Variants in ADRM1 observed in about 807,000 individuals in gnomAD.
The protein encoded by ADRM1 is proteasomal ubiquitin receptor ADRM1.
ADRM1 carries 2 observed loss-of-function variants against 40.1 expected under a neutral mutation model. The observed-to-expected ratio is 0.05, with a 90% CI of 0.02 to 0.16. ADRM1 has a LOEUF of 0.16. Ranked by LOEUF, ADRM1 falls within the 10% of genes least tolerant of loss-of-function variation. The probability of loss-of-function intolerance (pLI) is 1.00; values close to 1 mark genes in which losing one functional copy is unlikely to be tolerated. For synonymous variants in ADRM1, 287 were observed against 240.4 expected, an observed-to-expected ratio of 1.19 and a Z score of -1.79; for missense variants, 467 against 552.5, an observed-to-expected ratio of 0.85 and a Z score of 1.55.
At chr20:62,305,894 G>C (rs558962152) in intron 3 of ADRM1, 20 of 360,270 alleles carry the variant, frequency 5.6e-5, no homozygotes, top group Middle Eastern at 1.6e-3. Context: ...GAGAGGGCTT[G>C]GTCTGGCAGC....
chr20:62,307,313 AG>A, intron 5 of ADRM1, 57 bp from the exon 6 acceptor site: 1 of 1,514,042 alleles, frequency 6.6e-7, no homozygotes, highest in Non-Finnish European at 8.9e-7. Flanking sequence ...GGGAGGGGCC[AG>A]GCTCTTTCTG....
At chr20:62,307,962 GCCTT>G in intron 7 of ADRM1, 55 bp from the exon 8 acceptor site, 1 of 1,575,074 alleles carries the variant, frequency 6.3e-7, no homozygotes, top group Non-Finnish European at 8.6e-7. Flanking sequence ...CTGCTTGCAT[GCCTT>G]CCATGTGGGC....
At chr20:62,305,882 G>C (rs973902727) in intron 3 of ADRM1, 6 of 346,142 alleles carry the variant, frequency 1.7e-5, no homozygotes, top group African/African-American at 1.0e-4. Context: ...GGGCAGGAGG[G>C]TGAGAGGGCT....
chr20:62,304,056 G>A, intron 2 of ADRM1: 1 of 527,552 alleles, frequency 1.9e-6, no homozygotes, highest in Non-Finnish European at 3.4e-6. Flanking sequence ...CGTGTGAGGT[G>A]CCTGGGGTTG....
chr20:62,307,264 C>T (rs942633397), intron 5 of ADRM1, 107 bp from the exon 6 acceptor site: 3 of 1,152,836 alleles, frequency 2.6e-6, no homozygotes, highest in Non-Finnish European at 3.6e-6. Context: ...CCCGCTTCTT[C>T]CTGGCTTTGG....
At chr20:62,308,328 C>T (rs1412740863) in intron 8 of ADRM1, 40 bp from the exon 9 acceptor site, 3 of 1,562,928 alleles carry the variant, frequency 1.9e-6, no homozygotes, top group South Asian at 1.2e-5. Flanking sequence ...TGGGGTGCAG[C>T]CCGGGTTGGA....
At chr20:62,303,419 A>G in intron 1 of ADRM1, 149 bp from the exon 2 acceptor site, 2 of 790,542 alleles carry the variant, frequency 2.5e-6, no homozygotes, top group Non-Finnish European at 4.0e-6. Flanking sequence ...GAGCGGGGCA[A>G]ACGCGGAAAG....
At chr20:62,305,054 C>T (rs541650320) in intron 3 of ADRM1, among the ~76,000 whole-genome samples, 7 of 152,336 alleles carry the variant, frequency 4.6e-5, no homozygotes, top group Admixed American at 1.3e-4. Flanking sequence ...AGCTGCAGAG[C>T]GTCTTTTGGG....
chr20:62,303,454 C>T (rs566554644), intron 1 of ADRM1, 114 bp from the exon 2 acceptor site: 7 of 1,103,888 alleles, frequency 6.3e-6, no homozygotes, highest in Admixed American at 4.6e-5. Context: ...CTGAGTCTGC[C>T]TTAGGCAGCT....
upstream of ADRM1, chr20:62,302,981 C>A (rs1362802257): frequency 6.6e-6 from 1 of 152,090 alleles, no homozygotes; most frequent in Non-Finnish European, 1.5e-5. Context: ...TCCGGCGGGG[C>A]CCGGCAGGCG....
intron 1 of ADRM1, 144 bp from the exon 2 acceptor site, chr20:62,303,424 G>C: frequency 1.2e-6 from 1 of 825,786 alleles, no homozygotes. Context: ...GGGCAAACGC[G>C]GAAAGGCAGC....
At position 62,303,032 on chromosome 20, in the gene ADRM1, A is replaced by C. The variant is rs1984328885; in HGVS notation, c.-19A>C. On this transcript the variant is annotated 5_prime_UTR_variant, in exon 1 of 10. Coordinates refer to ENST00000253003, the MANE Select transcript of ADRM1 (RefSeq NM_007002.4). ...GAGCCCGGACGGCGCCTCTCGAACGAGTGTGGGCGCGAGGCAGGTGCGGGA... is the reference window on the plus strand; with the variant it reads ...GAGCCCGGACGGCGCCTCTCGAACGCGTGTGGGCGCGAGGCAGGTGCGGGA... The C allele has an allele frequency of 6.6e-6, 1 of 150,684 alleles. No homozygotes were observed. The highest frequency in any genetic ancestry group is 6.6e-5 in the Admixed American group (1 of 15,194). 9.3% of individuals were successfully genotyped at this position (150,684 alleles called of 1,614,324 possible).
At position 62,305,985 on chromosome 20, in the gene ADRM1, A is replaced by G. The variant is rs147439838; in HGVS notation, c.331-212A>G. On this transcript the variant is annotated intron_variant, in intron 3 of 9. Transcript: ENST00000253003. Reference sequence around the variant, plus strand: ...CAGGGCACACCCGGGATTGCGGCGGATGGGGACAGGGCGCAGAGCATCGTG... The same window carrying G: ...CAGGGCACACCCGGGATTGCGGCGGGTGGGGACAGGGCGCAGAGCATCGTG... 1,896 of 589,752 alleles carry G rather than the reference A, an allele frequency of 3.2e-3. 27 individuals carry two copies. Among genetic ancestry groups the G allele is most frequent in the African/African-American group, 0.032 (1,720 of 53,778 alleles). 36.5% of individuals were successfully genotyped at this position (589,752 alleles called of 1,614,324 possible).
intron 3 of ADRM1, 23 bp downstream of exon 3, chr20:62,304,600 G>A (rs1424838537): frequency 6.2e-7 from 1 of 1,606,576 alleles, no homozygotes. Flanking sequence ...CCTTGGGGTT[G>A]TGCCTTTTTG....
chr20:62,306,390 C>T (rs918861160), intron 4 of ADRM1, 70 bp downstream of exon 4: 12 of 1,606,332 alleles, frequency 7.5e-6, no homozygotes, highest in South Asian at 3.3e-5. Context: ...GATGACTCGC[C>T]CCCTCAGCAC....
intron 3 of ADRM1, chr20:62,305,834 A>C: frequency 4.0e-6 from 1 of 248,438 alleles, no homozygotes. Context: ...CCACTGGTTG[A>C]AGGAAGGAGA....
rs1985204168 is a variant in ADRM1 at position 62,307,437 on chromosome 20, G to T, written c.608G>T (p.Ser203Ile). The change falls in exon 6 of 10, where the codon AGC becomes ATC. Residue 203 changes from serine (S) to isoleucine (I), a missense_variant. Ser to Ile is a moderately radical substitution (Grantham distance 142). Around this residue, in one of 3 missense-constraint regions of ADRM1, gnomAD observed 418 missense variants for 474.6 expected, o/e 0.88. Transcript: ENST00000253003. ...CTGGGGAGCAGTGGGCCTCCAGGGA[G>T]CAGCTCCTCCTCCAGGTGAGCCTCA... The part of the protein sequence containing the change: ...SLLGSSGPPG[S>I]SSSSSSRSQS... 8 of 1,609,364 alleles carry T rather than the reference G, an allele frequency of 5.0e-6. No individual in the cohort carries two copies. In the Admixed American group the frequency reaches 5.0e-5, roughly 10 times the overall value.
intron 4 of ADRM1, 23 bp from the exon 5 acceptor site, chr20:62,306,625 G>A (rs749425446): frequency 3.8e-6 from 6 of 1,589,360 alleles, no homozygotes; most frequent in East Asian, 2.3e-5. Context: ...GGGCAGGCCC[G>A]CCTGAGCTGC....
rs1985256639 is a variant in ADRM1 at position 62,307,588 on chromosome 20, CTT to C, written c.624-7_624-6del. ...TGTCCGCTCCAGCGGTGCCCTCTCT[CTT>C]CGCAGCTCCCGGAGCCAGTCGGCAG... On this transcript the variant is annotated splice_region_variant and splice_polypyrimidine_tract_variant and intron_variant, in intron 6 of 9. Transcript: ENST00000253003. 6.2e-7 allele frequency: 1 copy of C among 1,609,124 alleles called. No individual in the cohort carries two copies. Among genetic ancestry groups the C allele is most frequent in the African/African-American group, 1.3e-5 (1 of 75,036 alleles).
Sources: gnomAD v4.1 joint callset for allele counts (sites outside exome capture counted in the v4.1 genomes callset) on GRCh38, gnomAD v4.1.1 for gene constraint, gnomAD v4.1.1 regional missense constraint, MANE v1.5 for transcripts, NCBI Gene and HGNC (gene_info 2026-07-23, HGNC 2026-07-21) for gene names.